The following TESK2 variants were observed in gnomAD, a reference collection of about 807,000 sequenced individuals.
The protein encoded by TESK2 is dual specificity testis-specific protein kinase 2.
In TESK2, 39 loss-of-function variants were observed where a neutral mutation model predicts 57.1. The observed-to-expected ratio is 0.68, with a 90% CI of 0.53 to 0.89. The LOEUF is 0.89. TESK2 is among the 40% of genes least tolerant of loss of function. TESK2 has a pLI of 0.00. For synonymous variants in TESK2, 249 were observed against 267.9 expected (o/e 0.93, Z 0.69); for missense variants, 646 against 732.1 (o/e 0.88, Z 1.36).
intron 1 of TESK2, among the ~76,000 whole-genome samples, chr1:45,472,324 A>G (rs1652801511): frequency 6.6e-6 from 1 of 150,798 alleles, no homozygotes. Flanking sequence ...TTGGGAGGCC[A>G]AGGCGGGCAG....
intron 4 of TESK2, among the ~76,000 whole-genome samples, chr1:45,372,399 G>C (rs1316565650): frequency 6.6e-6 from 1 of 152,010 alleles, no homozygotes; most frequent in Non-Finnish European, 1.5e-5. Flanking sequence ...GCAACATGGT[G>C]AAACTCTGTT....
intron 4 of TESK2, among the ~76,000 whole-genome samples, chr1:45,362,162 C>G (rs1484198655): frequency 6.6e-6 from 1 of 152,124 alleles, no homozygotes; most frequent in African/African-American, 2.4e-5. Context: ...GATTGCCCAG[C>G]CTCCAGAAGT....
chr1:45,349,914 C>A (rs768382136), intron 5 of TESK2, among the ~76,000 whole-genome samples: 13 of 152,126 alleles, frequency 8.5e-5, no homozygotes, highest in Admixed American at 6.5e-5. Flanking sequence ...GGCCAAGGCA[C>A]GTGGATCACC....
At chr1:45,421,178 C>G (rs1165456453) in intron 3 of TESK2, among the ~76,000 whole-genome samples, 1 of 151,924 alleles carries the variant, frequency 6.6e-6, no homozygotes, top group Non-Finnish European at 1.5e-5. Context: ...CTCAACTGGG[C>G]CCTGGAGGTC....
Position 45,384,881 on chromosome 1 carries a change from T to A in TESK2, c.393+1031A>T, listed in dbSNP as rs192399188. On this transcript the variant is annotated intron_variant, in intron 4 of 10. Coordinates refer to ENST00000372086, the MANE Select transcript of TESK2 (RefSeq NM_007170.3). ...TCTTAACCTCTTCACCATTCTGTCT[T>A]CTTTGGCTTTCCATTTAAGAGGCAG... Among the ~76,000 whole-genome samples, 6 of 152,246 alleles carry A rather than the reference T, an allele frequency of 3.9e-5. No individual in the cohort carries two copies. In the East Asian group the frequency reaches 1.2e-3, roughly 29 times the overall value.
chr1:45,486,050 G>A (rs562094968), intron 1 of TESK2, among the ~76,000 whole-genome samples: 1 of 152,278 alleles, frequency 6.6e-6, no homozygotes, highest in Non-Finnish European at 1.5e-5. Flanking sequence ...AGGAATGGAA[G>A]ACATAAAACT....
intron 3 of TESK2, among the ~76,000 whole-genome samples, chr1:45,419,502 T>C (rs181924522): frequency 2.0e-4 from 30 of 152,122 alleles, no homozygotes; most frequent in African/African-American, 7.2e-4. Context: ...ATATAGTAGA[T>C]GCTCAAAAAA....
At chr1:45,431,194 G>A (rs1453303573) in intron 2 of TESK2, among the ~76,000 whole-genome samples, 3 of 152,128 alleles carry the variant, frequency 2.0e-5, no homozygotes, top group African/African-American at 4.8e-5. Context: ...CGAGGTCGGC[G>A]GATCACGAGG....
At chr1:45,489,632 G>A (rs1281676034) in intron 1 of TESK2, among the ~76,000 whole-genome samples, 2 of 152,028 alleles carry the variant, frequency 1.3e-5, no homozygotes, top group African/African-American at 4.8e-5. Flanking sequence ...TCTACTAAAA[G>A]TACAAAAATT....
intron 2 of TESK2, among the ~76,000 whole-genome samples, chr1:45,444,994 A>G (rs997011579): frequency 2.6e-5 from 4 of 151,600 alleles, no homozygotes; most frequent in African/African-American, 7.3e-5. Flanking sequence ...AACTTCCCCA[A>G]TTGCTCCTAC....
intron 1 of TESK2, among the ~76,000 whole-genome samples, chr1:45,479,662 C>A (rs886466434): frequency 6.6e-6 from 1 of 151,544 alleles, no homozygotes; most frequent in African/African-American, 2.4e-5. Context: ...CACACTTGTT[C>A]CAAAGACAAA....
intron 2 of TESK2, among the ~76,000 whole-genome samples, chr1:45,432,957 T>C (rs1320156123): frequency 6.6e-6 from 1 of 150,380 alleles, no homozygotes; most frequent in East Asian, 2.0e-4. Flanking sequence ...AGAGATGGAG[T>C]TTCACTGTGT....
chr1:45,481,258 G>C (rs985317613), intron 1 of TESK2, among the ~76,000 whole-genome samples: 1 of 151,384 alleles, frequency 6.6e-6, no homozygotes, highest in Non-Finnish European at 1.5e-5. Flanking sequence ...CCAGCTACTC[G>C]GGAGGCTGAG....
At chr1:45,444,952 G>A (rs544765937) in intron 2 of TESK2, among the ~76,000 whole-genome samples, 48 of 151,340 alleles carry the variant, frequency 3.2e-4, no homozygotes, top group East Asian at 9.8e-4. Context: ...TTATGGTTCA[G>A]GGGTCATGCA....
intron 4 of TESK2, among the ~76,000 whole-genome samples, chr1:45,364,446 T>A (rs1012670017): frequency 2.0e-5 from 3 of 152,120 alleles, no homozygotes; most frequent in African/African-American, 4.8e-5. Context: ...GCAAGAAGGA[T>A]CTTCCCGTAG....
intron 3 of TESK2, among the ~76,000 whole-genome samples, chr1:45,403,225 C>A: frequency 3.2e-5 from 4 of 126,860 alleles, no homozygotes. Context: ...TACAGTGAGC[C>A]GTGATGGGAA....
chr1:45,376,823 C>T (rs1308633217), intron 4 of TESK2, among the ~76,000 whole-genome samples: 4 of 152,030 alleles, frequency 2.6e-5, no homozygotes, highest in South Asian at 2.1e-4. Flanking sequence ...TATTATCAAA[C>T]GAGATTAGAG....
rs772411653 is a variant in TESK2, at chr1:45,385,965, A to C, written c.345-5T>G. The C allele has an allele frequency of 1.6e-5, 26 of 1,598,358 alleles. No homozygotes were observed. Among genetic ancestry groups the C allele is most frequent in the Non-Finnish European group, 2.2e-5 (26 of 1,168,968 alleles). On this transcript the variant is annotated splice_polypyrimidine_tract_variant and splice_region_variant and intron_variant, in intron 3 of 10. Coordinates refer to ENST00000372086, the MANE Select transcript of TESK2 (RefSeq NM_007170.3). ...TGAACACATACACCCATGAACCTAA[A>C]GAACAAGACAGAATTATTTAACAAG... is the stretch of plus-strand genomic sequence containing the variant.
rs549329416 is a variant in TESK2 at position 45,400,292 on chromosome 1, G to GA, written c.345-14333dup. ...GGAATGCAAACAGCCACTGGCAGCT[G>GA]AAAAAAGTAAGGAAATGGATTCTCC... On this transcript the variant is annotated intron_variant, in intron 3 of 10. Coordinates refer to ENST00000372086, the MANE Select transcript of TESK2 (RefSeq NM_007170.3). Among the ~76,000 whole-genome samples, 334 of 152,264 alleles carry GA rather than the reference G, an allele frequency of 2.2e-3. 5 individuals carry two copies. The highest frequency in any genetic ancestry group is 7.7e-3 in the African/African-American group (321 of 41,566).
Sources: allele counts gnomAD v4.1 joint callset (sites outside exome capture counted in the v4.1 genomes callset), GRCh38; gene constraint gnomAD v4.1.1; transcripts MANE v1.5; gene names NCBI Gene and HGNC (gene_info 2026-07-23, HGNC 2026-07-21).